YRDC: variants seen among roughly 807,000 people sequenced by gnomAD.
YRDC encodes yrdC N6-threonylcarbamoyltransferase domain containing, also known as threonylcarbamoyl-AMP synthase.
Under a neutral mutation model 21.5 loss-of-function variants are expected in YRDC, and 17 were observed. The observed-to-expected ratio is 0.79, with a 90% CI of 0.54 to 1.19. YRDC has a LOEUF of 1.19. Among genes scored for constraint, YRDC ranks in the 50% most tolerant of loss-of-function variants. The pLI is 0.00. For synonymous variants in YRDC, 193 were observed against 176.7 expected (o/e 1.09, Z -0.73); for missense variants, 380 against 397.1 (o/e 0.96, Z 0.37).
At position 37,807,802 on chromosome 1, in the gene YRDC, C is replaced by T. The variant is rs1013997106; in HGVS notation, c.379G>A (p.Asp127Asn). 1.3e-6 allele frequency: 2 copies of T among 1,508,316 alleles called. No homozygotes were observed. The highest frequency in any genetic ancestry group is 2.8e-5 in the African/African-American group (2 of 70,742). The allele number at this position is 1,508,316 out of a possible 1,614,324, so 93.4% of individuals were successfully genotyped here. A position where few individuals can be genotyped will look rare whatever the true frequency, so the allele number is the denominator to read the frequency against. ...PLAVCLGRVA[D>N]VYRYCRVRVP... ...TCGGGGCGGCCTTACCTGTAGACGTCGGCCACGCGGCCGAGGCATACGGCC... is the reference window on the plus strand; with the variant it reads ...TCGGGGCGGCCTTACCTGTAGACGTTGGCCACGCGGCCGAGGCATACGGCC... Residue 127 changes from aspartate (D) to asparagine (N), a missense_variant, in exon 1 of 5, where the codon GAC becomes AAC. This residue lies in a region of YRDC where 238 missense variants were observed against 236.5 expected (regional missense o/e 1.01). Coordinates refer to ENST00000373044, the MANE Select transcript of YRDC (RefSeq NM_024640.4).
chr1:37,805,043 G>C, intron 3 of YRDC, among the ~76,000 whole-genome samples: 1 of 151,832 alleles, frequency 6.6e-6, no homozygotes, highest in East Asian at 1.9e-4. Flanking sequence ...ATCTCTTGAG[G>C]CCAGGAGTTT....
chr1:37,803,811 G>A lies in YRDC; in HGVS notation c.*114C>T. ...CTCAGAAAGACACACTGCCTTAAAAGTCAGGCTAGTGCCCTAGCTCCGGTG... is the reference window on the plus strand; with the variant it reads ...CTCAGAAAGACACACTGCCTTAAAAATCAGGCTAGTGCCCTAGCTCCGGTG... On this transcript the variant is annotated 3_prime_UTR_variant, in exon 5 of 5. Transcript: ENST00000373044. 1 of 1,164,538 alleles carries A rather than the reference G, an allele frequency of 8.6e-7. No individual in the cohort carries two copies. The highest frequency in any genetic ancestry group is 1.2e-6 in the Non-Finnish European group (1 of 806,162). The allele number at this position is 1,164,538 out of a possible 1,614,324, so 72.1% of individuals were successfully genotyped here. A position where few individuals can be genotyped will look rare whatever the true frequency, so the allele number is the denominator to read the frequency against.
Position 37,808,057 on chromosome 1 carries a change from C to A in YRDC, c.124G>T (p.Ala42Ser). The A allele has an allele frequency of 7.5e-7, 1 of 1,326,010 alleles. No homozygotes were observed. Among genetic ancestry groups the A allele is most frequent in the Non-Finnish European group, 9.6e-7 (1 of 1,043,330 alleles). The allele number at this position is 1,326,010 out of a possible 1,614,324, so 82.1% of individuals were successfully genotyped here. A position where few individuals can be genotyped will look rare whatever the true frequency, so the allele number is the denominator to read the frequency against. The change falls in exon 1 of 5, where the codon GCC becomes TCC. Residue 42 changes from alanine (A) to serine (S), a missense_variant. Ala to Ser is a moderately conservative substitution (Grantham distance 99, BLOSUM62 1). Around this residue, in one of 3 missense-constraint regions of YRDC, gnomAD observed 51 missense variants for 95.9 expected, o/e 0.53. Coordinates refer to ENST00000373044, the MANE Select transcript of YRDC (RefSeq NM_024640.4). ...AGCCGCAACAGCCGGGCGCCGGGGG[C>A]CGCCGGAGCGGGACTCGGCGGGCGG... is the stretch of plus-strand genomic sequence containing the variant. ...LFRPPSPAPA[A>S]PGARLLRLPG... is the part of the protein sequence containing the mutation.
intron 2 of YRDC, 26 bp downstream of exon 2, chr1:37,807,075 G>A (rs754175951): frequency 1.9e-6 from 3 of 1,613,988 alleles, no homozygotes; most frequent in Non-Finnish European, 2.5e-6. Flanking sequence ...CTGGAGTCTG[G>A]GGACACAAGA....
Position 37,803,820 on chromosome 1 carries a change from G to T in YRDC, c.*105C>A. On this transcript the variant is annotated 3_prime_UTR_variant, in exon 5 of 5. Coordinates refer to ENST00000373044, the MANE Select transcript of YRDC (RefSeq NM_024640.4). ...ACACACTGCCTTAAAAGTCAGGCTAGTGCCCTAGCTCCGGTGGCCTCTGCA... is the reference window on the plus strand; with the variant it reads ...ACACACTGCCTTAAAAGTCAGGCTATTGCCCTAGCTCCGGTGGCCTCTGCA... The T allele has an allele frequency of 7.8e-7, 1 of 1,274,034 alleles. No individual in the cohort carries two copies. Among genetic ancestry groups the T allele is most frequent in the Non-Finnish European group, 1.1e-6 (1 of 896,552 alleles). The allele number at this position is 1,274,034 out of a possible 1,614,324, so 78.9% of individuals were successfully genotyped here.
At position 37,807,067 on chromosome 1, in the gene YRDC, GGAGTCTGGGGACACAA is replaced by G. The variant is rs1646742973; in HGVS notation, c.504+18_504+33del. On this transcript the variant is annotated intron_variant, in intron 2 of 4. Transcript: ENST00000373044. ...GATCCTAGTGAAAGCCAAGTGGCCTGGAGTCTGGGGACACAAGAGAAAACTTGACTCACAGGCGTAA... is the reference window on the plus strand; with the variant it reads ...GATCCTAGTGAAAGCCAAGTGGCCTGGAGAAAACTTGACTCACAGGCGTAA... The G allele has an allele frequency of 6.2e-7, 1 of 1,613,874 alleles. No individual in the cohort carries two copies. Among genetic ancestry groups the G allele is most frequent in the African/African-American group, 1.3e-5 (1 of 74,924 alleles).
chr1:37,807,126 T>C lies in YRDC; in HGVS notation c.479A>G (p.Asn160Ser), dbSNP rs151327969. The C allele has an allele frequency of 1.7e-5, 27 of 1,614,056 alleles. No homozygotes were observed. The highest frequency in any genetic ancestry group is 1.2e-4 in the African/African-American group (9 of 74,936). Residue 160 changes from asparagine to serine, a missense_variant, in exon 2 of 5, where the codon AAC becomes AGC. Coordinates refer to ENST00000373044, the MANE Select transcript of YRDC (RefSeq NM_024640.4). Reference protein sequence around the residue: ...TLVMERSEELNKDLNPFTPLV... With the variant: ...TLVMERSEELSKDLNPFTPLV... The stretch of plus-strand genomic sequence containing the variant: ...AGGCGTAAAAGGGTTTAGGTCCTTG[T>C]TGAGCTCCTCCGAGCGTTCCATCAC...
intron 1 of YRDC, chr1:37,807,581 T>C: frequency 1.0e-6 from 1 of 972,726 alleles, no homozygotes; most frequent in Non-Finnish European, 1.4e-6. Flanking sequence ...GGGAACAGGG[T>C]CCCTGCCTTT....
rs1161832137 is a variant in YRDC at position 37,802,985 on chromosome 1, AAAAC to A, written c.*936_*939del. 7.2e-5 allele frequency: 11 copies of A among 152,240 alleles called. No homozygotes were observed. The highest frequency in any genetic ancestry group is 1.9e-4 in the East Asian group (1 of 5,206). The allele number at this position is 152,240 out of a possible 1,614,324, so 9.4% of individuals were successfully genotyped here. On this transcript the variant is annotated 3_prime_UTR_variant, in exon 5 of 5. Transcript: ENST00000373044. ...TTTAATAGCAGCATTTCTTTAAAGA[AAAAC>A]AAAGTTCAAATGCCCAATAATAATT...
At position 37,808,154 on chromosome 1, in the gene YRDC, C is replaced by A. The variant is rs1023210520; in HGVS notation, c.27G>T (p.Gly9=). The change falls in exon 1 of 5, where the codon GGG becomes GGT. Residue 9 remains glycine, a synonymous_variant. Transcript: ENST00000373044. The part of the protein sequence containing the change: MSPARRCR[G]MRAAVAASVG... ...CGCTGGCAGCCACCGCGGCCCTCAT[C>A]CCCCTGCACCGACGCGCCGGAGACA... The A allele has an allele frequency of 1.3e-4, 194 of 1,465,848 alleles. No individual in the cohort carries two copies. The African/African-American group carries it at 2.4e-3, about 18-fold the overall frequency. The allele number at this position is 1,465,848 out of a possible 1,614,324, so 90.8% of individuals were successfully genotyped here. A position where few individuals can be genotyped will look rare whatever the true frequency, so the allele number is the denominator to read the frequency against.
intron 3 of YRDC, among the ~76,000 whole-genome samples, chr1:37,805,853 C>G (rs996396423): frequency 5.9e-5 from 9 of 152,186 alleles, no homozygotes; most frequent in Non-Finnish European, 1.2e-4. Flanking sequence ...GCAAGTTACT[C>G]TATCCAGGCT....
intron 1 of YRDC, chr1:37,807,542 G>C (rs879231109): frequency 1.4e-6 from 1 of 697,014 alleles, no homozygotes; most frequent in Non-Finnish European, 2.2e-6. Context: ...TTTTCCCGGG[G>C]GCCTCCCCAA....
At position 37,804,293 on chromosome 1, in the gene YRDC, G is replaced by A. The variant is rs761216890; in HGVS notation, c.767+9C>T. ...AATTATTTCCCCACACCACAGGAAA[G>A]AGACTTACCAGCCTGGACGAATGAT... On this transcript the variant is annotated intron_variant, in intron 4 of 4. Transcript: ENST00000373044. 5 of 1,611,556 alleles carry A rather than the reference G, an allele frequency of 3.1e-6. No individual in the cohort carries two copies. The highest frequency in any genetic ancestry group is 3.4e-6 in the Non-Finnish European group (4 of 1,178,078).
At chr1:37,804,578 AT>A (rs1646722906) in intron 3 of YRDC, 134 bp from the exon 4 acceptor site, 1 of 1,185,804 alleles carries the variant, frequency 8.4e-7, no homozygotes. Context: ...AAGGAGCTTC[AT>A]TTAGTTAAGG....
intron 3 of YRDC, 110 bp downstream of exon 3, chr1:37,806,747 C>G: frequency 6.5e-7 from 1 of 1,535,708 alleles, no homozygotes; most frequent in Non-Finnish European, 8.8e-7. Context: ...CCACTGTTGG[C>G]CCAAGAACTC....
rs1192132716 is a variant in YRDC, at chr1:37,803,756, C to G, written c.*169G>C. On this transcript the variant is annotated 3_prime_UTR_variant, in exon 5 of 5. Transcript: ENST00000373044. Reference sequence around the variant, plus strand: ...TCCTTTCCCCAGGTGCAAGGCTAAACCAGCAGCTCCAAGGGCTTGGTCTAC... The same window carrying G: ...TCCTTTCCCCAGGTGCAAGGCTAAAGCAGCAGCTCCAAGGGCTTGGTCTAC... The G allele has an allele frequency of 1.6e-6, 1 of 606,068 alleles. No individual in the cohort carries two copies. Among genetic ancestry groups the G allele is most frequent in the African/African-American group, 1.8e-5 (1 of 54,184 alleles). 37.5% of individuals were successfully genotyped at this position (606,068 alleles called of 1,614,324 possible). A position where few individuals can be genotyped will look rare whatever the true frequency, so the allele number is the denominator to read the frequency against.
At position 37,807,121 on chromosome 1, in the gene YRDC, C is replaced by T. The variant is rs368892403; in HGVS notation, c.484G>A (p.Asp162Asn). The change falls in exon 2 of 5, where the codon GAC (aspartate) becomes AAC (asparagine). Residue 162 changes from aspartate to asparagine, a missense_variant. By Grantham distance (23) the Asp-to-Asn change is conservative. Around this residue, in one of 3 missense-constraint regions of YRDC, gnomAD observed 238 missense variants for 236.5 expected, o/e 1.01. Coordinates refer to ENST00000373044, the MANE Select transcript of YRDC (RefSeq NM_024640.4). Reference sequence around the variant, plus strand: ...CTCACAGGCGTAAAAGGGTTTAGGTCCTTGTTGAGCTCCTCCGAGCGTTCC... The same window carrying T: ...CTCACAGGCGTAAAAGGGTTTAGGTTCTTGTTGAGCTCCTCCGAGCGTTCC... The part of the protein sequence containing the change: ...VMERSEELNK[D>N]LNPFTPLVGI... The T allele has an allele frequency of 6.2e-7, 1 of 1,614,004 alleles. No homozygotes were observed. Among genetic ancestry groups the T allele is most frequent in the African/African-American group, 1.3e-5 (1 of 74,916 alleles).
chr1:37,806,414 C>T (rs1646736619), intron 3 of YRDC, among the ~76,000 whole-genome samples: 1 of 152,174 alleles, frequency 6.6e-6, no homozygotes, highest in South Asian at 2.1e-4. Flanking sequence ...GTTAGCCAGG[C>T]TGGTCTCAAA....
At chr1:37,807,011 T>C (rs371845924) in intron 2 of YRDC, 35 bp from the exon 3 acceptor site, 15 of 1,613,962 alleles carry the variant, frequency 9.3e-6, no homozygotes, top group African/African-American at 8.0e-5. Flanking sequence ...ATGAGAAAGG[T>C]TGGAAGGGAT....
Sources: gnomAD v4.1 joint callset for allele counts (sites outside exome capture counted in the v4.1 genomes callset) on GRCh38, gnomAD v4.1.1 for gene constraint, gnomAD v4.1.1 regional missense constraint, MANE v1.5 for transcripts, NCBI Gene and HGNC (gene_info 2026-07-23, HGNC 2026-07-21) for gene names.